The following SHANK2 variants were observed in gnomAD, a reference collection of about 807,000 sequenced individuals.
SHANK2 encodes the protein SH3 and multiple ankyrin repeat domains protein 2.
A neutral mutation model predicts 133.7 loss-of-function variants in SHANK2; 43 were observed. The observed-to-expected ratio is 0.32, with a 90% CI of 0.25 to 0.41. SHANK2 has a LOEUF of 0.41. Among genes scored for constraint, SHANK2 ranks in the 10% least tolerant of loss-of-function variants. The pLI is 1.00. For synonymous variants in SHANK2, 1,017 were observed against 952.8 expected, an observed-to-expected ratio of 1.07 and a Z score of -1.24; for missense variants, 1,994 against 2,235.8, an observed-to-expected ratio of 0.89 and a Z score of 2.18.
chr11:70,659,927 T>C lies in SHANK2; in HGVS notation c.1962A>G (p.Thr654=). The change falls in exon 17 of 26, where the codon ACA becomes ACG. Residue 654 remains threonine, a synonymous_variant. Transcript: ENST00000601538. ...GTAGGGCTGGGAAAGCCGGTGTTGGTGTGAATTCTTCAATGGGTGTGTCAG... is the reference window on the plus strand; with the variant it reads ...GTAGGGCTGGGAAAGCCGGTGTTGGCGTGAATTCTTCAATGGGTGTGTCAG... ...AKADTPIEEF[T]PTPAFPALQY... 1 of 1,614,178 alleles carries C rather than the reference T, an allele frequency of 6.2e-7. No homozygotes were observed. The highest frequency in any genetic ancestry group is 8.5e-7 in the Non-Finnish European group (1 of 1,180,028).
intron 25 of SHANK2, among the ~76,000 whole-genome samples, chr11:70,481,304 C>G (rs2058730347): frequency 6.6e-6 from 1 of 152,192 alleles, no homozygotes; most frequent in Admixed American, 6.5e-5. Context: ...CCATGTCATC[C>G]TTGATTTCAG....
At chr11:70,712,840 T>G (rs1463035702) in intron 14 of SHANK2, among the ~76,000 whole-genome samples, 1 of 152,252 alleles carries the variant, frequency 6.6e-6, no homozygotes, top group Non-Finnish European at 1.5e-5. Flanking sequence ...TAGTGGAAGC[T>G]GCCTATCTGC....
At chr11:71,062,605 G>T (rs1338789228) in intron 9 of SHANK2, among the ~76,000 whole-genome samples, 1 of 152,206 alleles carries the variant, frequency 6.6e-6, no homozygotes, top group Non-Finnish European at 1.5e-5. Context: ...GTGGCCTGGC[G>T]AATTGGAATA....
intron 10 of SHANK2, among the ~76,000 whole-genome samples, chr11:70,927,383 G>A (rs1419433623): frequency 6.6e-6 from 1 of 152,046 alleles, no homozygotes; most frequent in African/African-American, 2.4e-5. Context: ...TTCACTGCCT[G>A]GTGTGACGGA....
chr11:70,641,090 TTTTTTTCTTTTC>T, intron 17 of SHANK2, among the ~76,000 whole-genome samples: 1 of 145,504 alleles, frequency 6.9e-6, no homozygotes, highest in South Asian at 2.3e-4. Flanking sequence ...CTTTTTTTTC[TTTTTTTCTTTTC>T]TTTTTTTTTT....
At chr11:71,128,501 G>A (rs1214553761) in intron 3 of SHANK2, among the ~76,000 whole-genome samples, 1 of 152,168 alleles carries the variant, frequency 6.6e-6, no homozygotes, top group African/African-American at 2.4e-5. Flanking sequence ...AGGAGCTGTG[G>A]AGACGGAGTT....
At chr11:70,894,493 G>A (rs1949903315) in intron 11 of SHANK2, among the ~76,000 whole-genome samples, 1 of 152,072 alleles carries the variant, frequency 6.6e-6, no homozygotes, top group South Asian at 2.1e-4. Flanking sequence ...GGCCCCTCCT[G>A]TTTTTGAGTA....
intron 12 of SHANK2, among the ~76,000 whole-genome samples, chr11:70,808,732 C>T (rs908574918): frequency 3.3e-5 from 5 of 151,894 alleles, no homozygotes; most frequent in Non-Finnish European, 7.4e-5. Flanking sequence ...GAGATCCTGT[C>T]TCAAAAAAAC....
chr11:71,077,331 A>C, intron 8 of SHANK2, among the ~76,000 whole-genome samples: 1 of 152,336 alleles, frequency 6.6e-6, no homozygotes, highest in East Asian at 1.9e-4. Flanking sequence ...TCCCCCGGTT[A>C]ATCTGAATTT....
intron 14 of SHANK2, among the ~76,000 whole-genome samples, chr11:70,716,958 G>A (rs1555027466): frequency 1.4e-5 from 2 of 147,974 alleles, no homozygotes; most frequent in African/African-American, 5.1e-5. Flanking sequence ...CGGCCTTTGT[G>A]GGCAAGAGGG....
intron 15 of SHANK2, among the ~76,000 whole-genome samples, chr11:70,680,657 C>T (rs1945009550): frequency 6.6e-6 from 1 of 152,184 alleles, no homozygotes; most frequent in Admixed American, 6.5e-5. Flanking sequence ...GGTGAAGTCA[C>T]ACACTCACAG....
In SHANK2 at chr11:71,095,644, C is replaced by A. The variant is rs181708853; in HGVS notation, c.593-956G>T. ...GTGTCTTGCTGACCCCTCACCCCATCCCATCCCCCTCCATCCCAGAAAGGG... is the reference window on the plus strand; with the variant it reads ...GTGTCTTGCTGACCCCTCACCCCATACCATCCCCCTCCATCCCAGAAAGGG... On this transcript the variant is annotated intron_variant, in intron 6 of 25. Coordinates refer to ENST00000601538, the MANE Select transcript of SHANK2 (RefSeq NM_012309.5). Among the ~76,000 whole-genome samples, 648 of 152,350 alleles carry A rather than the reference C, an allele frequency of 4.3e-3. 4 individuals carry two copies. Among genetic ancestry groups the A allele is most frequent in the Non-Finnish European group, 7.2e-3 (490 of 68,032 alleles).
At chr11:70,516,349 AAAGGAGCAAAGGCAGTTCC>A (rs2059266221) in intron 17 of SHANK2, among the ~76,000 whole-genome samples, 3 of 152,262 alleles carry the variant, frequency 2.0e-5, no homozygotes, top group Admixed American at 1.3e-4. Context: ...GATCTTTGAC[AAAGGAGCAAAGGCAGTTCC>A]ATGGAGAAAG....
At chr11:70,786,238 C>G (rs998408991) in intron 14 of SHANK2, among the ~76,000 whole-genome samples, 24 of 152,230 alleles carry the variant, frequency 1.6e-4, no homozygotes, top group African/African-American at 5.8e-4. Flanking sequence ...CCTGGGCTGT[C>G]TCTGGCCTGG....
chr11:70,605,263 G>GC (rs2060559909), intron 17 of SHANK2, among the ~76,000 whole-genome samples: 1 of 152,250 alleles, frequency 6.6e-6, no homozygotes, highest in Admixed American at 6.5e-5. Context: ...ATCGTTGTGA[G>GC]CCCCGGGGGT....
At chr11:71,158,865 T>C (rs1952956044) in intron 2 of SHANK2, among the ~76,000 whole-genome samples, 1 of 152,180 alleles carries the variant, frequency 6.6e-6, no homozygotes, top group South Asian at 2.1e-4. Context: ...AGGCTGACAC[T>C]AGCAGGTATT....
intron 15 of SHANK2, among the ~76,000 whole-genome samples, chr11:70,672,428 T>C (rs1944830446): frequency 1.3e-5 from 2 of 152,226 alleles, no homozygotes; most frequent in South Asian, 4.1e-4. Context: ...TGTGATCTGA[T>C]TCATGCCCCT....
intron 9 of SHANK2, among the ~76,000 whole-genome samples, chr11:71,073,114 A>AGGCTTGCT (rs1439882149): frequency 3.7e-5 from 5 of 136,130 alleles, no homozygotes; most frequent in Non-Finnish European, 6.6e-5. Context: ...CAGTGGTGGA[A>AGGCTTGCT]GGCTTGCTTT....
chr11:70,794,931 G>C (rs1947875763), intron 14 of SHANK2, among the ~76,000 whole-genome samples: 1 of 152,112 alleles, frequency 6.6e-6, no homozygotes, highest in Non-Finnish European at 1.5e-5. Flanking sequence ...CACTGAACTA[G>C]ATTTTTCTTA....
Sources: gnomAD v4.1 joint callset for allele counts (sites outside exome capture counted in the v4.1 genomes callset) on GRCh38, gnomAD v4.1.1 for gene constraint, MANE v1.5 for transcripts, NCBI Gene and HGNC (gene_info 2026-07-23, HGNC 2026-07-21) for gene names.